PCDHGB5: variants seen among roughly 807,000 people sequenced by gnomAD.
PCDHGB5 encodes the protein protocadherin gamma subfamily B, 5.
A neutral mutation model predicts 62.9 loss-of-function variants in PCDHGB5; 48 were observed. The ratio of observed to expected loss-of-function variants is 0.76; its 90% CI spans 0.61 to 0.97. The LOEUF (loss-of-function observed/expected upper bound fraction) is 0.97, where lower values mean the gene tolerates loss of function less well. Ranked by LOEUF, PCDHGB5 falls within the 50% of genes least tolerant of loss-of-function variation. The pLI is 0.00. For missense variants in PCDHGB5, 1,118 were observed against 1,198.6 expected, an observed-to-expected ratio of 0.93 and a Z score of 0.99; for synonymous variants, 474 against 511.2, an observed-to-expected ratio of 0.93 and a Z score of 0.98.
intron 1 of PCDHGB5, chr5:141,410,564 T>C: frequency 6.2e-7 from 1 of 1,612,612 alleles, no homozygotes; most frequent in Non-Finnish European, 8.5e-7. Context: ...TCCTGGAGCC[T>C]TAATTCCACC....
At chr5:141,421,823 G>A in intron 1 of PCDHGB5, 1 of 1,613,802 alleles carries the variant, frequency 6.2e-7, no homozygotes. Flanking sequence ...GTACTGGAGG[G>A]AAGCCTGGAC....
rs143779180 is a variant in PCDHGB5 at position 141,485,438 on chromosome 5, C to A, written c.2398-9369C>A. The A allele has an allele frequency of 9.9e-6, 16 of 1,614,170 alleles. No individual in the cohort carries two copies. The African/African-American group carries it at 1.3e-4, about 13-fold the overall frequency. Reference sequence around the variant, plus strand: ...CAGCGGAGCCCTGCTCATCAAGAACCCAATCGACCGAGAGGCACTGTGTGG... The same window carrying A: ...CAGCGGAGCCCTGCTCATCAAGAACACAATCGACCGAGAGGCACTGTGTGG... On this transcript the variant is annotated intron_variant, in intron 1 of 3. Coordinates refer to ENST00000617380, the MANE Select transcript of PCDHGB5 (RefSeq NM_018925.3). The surrounding 1 kb of genome is among the most constrained non-coding windows in gnomAD (Gnocchi z 5.7).
At chr5:141,488,217 A>G (rs537136341) in intron 1 of PCDHGB5, among the ~76,000 whole-genome samples, 2 of 152,274 alleles carry the variant, frequency 1.3e-5, no homozygotes, top group East Asian at 1.9e-4. Flanking sequence ...TCAAGTCCCT[A>G]CTGGGGATTT....
chr5:141,445,973 G>A (rs563637331), intron 1 of PCDHGB5, among the ~76,000 whole-genome samples: 28 of 152,326 alleles, frequency 1.8e-4, no homozygotes, highest in African/African-American at 6.0e-4. Flanking sequence ...ATTGATTTAT[G>A]AGGGTTATAA....
chr5:141,460,498 T>C (rs1028506755), intron 1 of PCDHGB5, among the ~76,000 whole-genome samples: 3 of 152,184 alleles, frequency 2.0e-5, no homozygotes, highest in African/African-American at 7.2e-5. Context: ...TGGAAAAATA[T>C]GCTGAGAAGG....
chr5:141,503,377 A>G lies in PCDHGB5; in HGVS notation c.2457-2016A>G, dbSNP rs534841057. Among the ~76,000 whole-genome samples, 4 of 152,142 alleles carry G rather than the reference A, an allele frequency of 2.6e-5. No homozygotes were observed. In the East Asian group the frequency reaches 7.8e-4, roughly 30 times the overall value. The stretch of plus-strand genomic sequence containing the variant: ...TTTGGGAAGCGGAGGCAGGTGGATC[A>G]TGAGGTCAGGAGTTCGAAACCAACC... On this transcript the variant is annotated intron_variant, in intron 2 of 3. Coordinates refer to ENST00000617380, the MANE Select transcript of PCDHGB5 (RefSeq NM_018925.3).
At chr5:141,457,107 A>G (rs2098908740) in intron 1 of PCDHGB5, among the ~76,000 whole-genome samples, 1 of 152,260 alleles carries the variant, frequency 6.6e-6, no homozygotes, top group African/African-American at 2.4e-5. Flanking sequence ...ATTAAGCAAA[A>G]TACGACAGCA....
chr5:141,398,850 A>G lies in PCDHGB5; in HGVS notation c.723A>G (p.Val241=). The change falls in exon 1 of 4, where the codon GTA becomes GTG. Residue 241 remains valine (V), a synonymous_variant. Coordinates refer to ENST00000617380, the MANE Select transcript of PCDHGB5 (RefSeq NM_018925.3). The stretch of plus-strand genomic sequence containing the variant: ...CCGACGCCAATGATAATCCCCCGGT[A>G]TTCAACCGAGACGTGTACAGAGTCA... ...QVTDANDNPP[V]FNRDVYRVSL... is the part of the protein sequence containing the mutation. 20 of 1,613,982 alleles carry G rather than the reference A, an allele frequency of 1.2e-5. No individual in the cohort carries two copies. Among genetic ancestry groups the G allele is most frequent in the Non-Finnish European group, 1.6e-5 (19 of 1,179,888 alleles).
intron 1 of PCDHGB5, among the ~76,000 whole-genome samples, chr5:141,451,134 T>C (rs567790185): frequency 9.9e-5 from 15 of 152,254 alleles, no homozygotes; most frequent in African/African-American, 3.6e-4. Context: ...AGCCTTATGA[T>C]TGTATTTAGA....
At chr5:141,408,513 T>C in intron 1 of PCDHGB5, 2 of 1,614,034 alleles carry the variant, frequency 1.2e-6, no homozygotes, top group East Asian at 4.5e-5. Context: ...AGATGTGAGT[T>C]GCAATTGGAA....
Position 141,489,830 on chromosome 5 carries a change from A to C in PCDHGB5, c.2398-4977A>C. On this transcript the variant is annotated intron_variant, in intron 1 of 3. Transcript: ENST00000617380. The surrounding 1 kb of genome is among the most constrained non-coding windows in gnomAD (Gnocchi z 4.5). ...AAGCCATTCCCAGAGCTGGTGCTAG[A>C]GCAGCAGCTGGATCGTGAAGCCCAG... 1 of 1,614,200 alleles carries C rather than the reference A, an allele frequency of 6.2e-7. No homozygotes were observed. Among genetic ancestry groups the C allele is most frequent in the Non-Finnish European group, 8.5e-7 (1 of 1,180,010 alleles).
chr5:141,446,408 C>A (rs1211716327), intron 1 of PCDHGB5, among the ~76,000 whole-genome samples: 1 of 151,898 alleles, frequency 6.6e-6, no homozygotes, highest in African/African-American at 2.4e-5. Flanking sequence ...GAGTTGAGTT[C>A]CAGCCATGTT....
At chr5:141,433,237 A>G in intron 1 of PCDHGB5, 1 of 1,495,940 alleles carries the variant, frequency 6.7e-7, no homozygotes, top group South Asian at 1.3e-5. Flanking sequence ...TCTGTCTCCC[A>G]AGCTGGAATG....
At chr5:141,422,144 G>T in intron 1 of PCDHGB5, 1 of 1,583,520 alleles carries the variant, frequency 6.3e-7, no homozygotes, top group Non-Finnish European at 8.5e-7. Context: ...CAAGTACGGG[G>T]GTCTCTGGAT....
At position 141,486,493 on chromosome 5, in the gene PCDHGB5, T is replaced by C. The variant is rs761905572; in HGVS notation, c.2398-8314T>C. The C allele has an allele frequency of 1.2e-6, 2 of 1,614,136 alleles. No homozygotes were observed. The highest frequency in any genetic ancestry group is 1.7e-6 in the Non-Finnish European group (2 of 1,179,960). Reference sequence around the variant, plus strand: ...ACCCTCCTCTCAGTACCCACAGAACTATTTTCCTCAATATTTCAGATGTGA... The same window carrying C: ...ACCCTCCTCTCAGTACCCACAGAACCATTTTCCTCAATATTTCAGATGTGA... On this transcript the variant is annotated intron_variant, in intron 1 of 3. Transcript: ENST00000617380. The surrounding 1 kb of genome is among the most constrained non-coding windows in gnomAD (Gnocchi z 5.0).
At position 141,485,336 on chromosome 5, in the gene PCDHGB5, G is replaced by A. The variant is rs755039880; in HGVS notation, c.2398-9471G>A. Reference sequence around the variant, plus strand: ...GAATGTCGCTCAAGATTTCCTGCTGGATACGGACAGTCTGTCAGCTCGCAG... The same window carrying A: ...GAATGTCGCTCAAGATTTCCTGCTGAATACGGACAGTCTGTCAGCTCGCAG... On this transcript the variant is annotated intron_variant, in intron 1 of 3. Transcript: ENST00000617380. The surrounding 1 kb of genome is among the most constrained non-coding windows in gnomAD (Gnocchi z 5.7). 3 of 1,614,176 alleles carry A rather than the reference G, an allele frequency of 1.9e-6. No homozygotes were observed. In the South Asian group the frequency reaches 3.3e-5, roughly 18 times the overall value.
At chr5:141,484,916 CCTG>C (rs34524370) in intron 1 of PCDHGB5, 64,782 of 456,708 alleles carry the variant, frequency 0.14, 4,878 homozygotes, top group African/African-American at 0.18. Context: ...ACGCATTAAC[CCTG>C]CTGCTGTTGG....
rs751567991 is a variant in PCDHGB5 at position 141,398,180 on chromosome 5, T to C, written c.53T>C (p.Phe18Ser). ...LGRAERLPVL[F>S]LFLLSLFCPA... ...CGGGCTGAGAGGCTGCCAGTGCTCT[T>C]TCTCTTCCTGCTGTCTTTGTTCTGC... Residue 18 changes from phenylalanine (F) to serine (S), a missense_variant, in exon 1 of 4, where the codon TTT (phenylalanine) becomes TCT (serine). Phe to Ser is a radical substitution (Grantham distance 155). This residue lies in a region of PCDHGB5 where 84 missense variants were observed against 169.5 expected (regional missense o/e 0.50). Coordinates refer to ENST00000617380, the MANE Select transcript of PCDHGB5 (RefSeq NM_018925.3). 3 of 1,473,764 alleles carry C rather than the reference T, an allele frequency of 2.0e-6. No individual in the cohort carries two copies. The African/African-American group carries it at 4.3e-5, about 21-fold the overall frequency. The allele number at this position is 1,473,764 out of a possible 1,614,324, so 91.3% of individuals were successfully genotyped here. A position where few individuals can be genotyped will look rare whatever the true frequency, so the allele number is the denominator to read the frequency against.
intron 1 of PCDHGB5, chr5:141,417,708 G>C (rs1028054307): frequency 1.2e-4 from 152 of 1,227,878 alleles, no homozygotes; most frequent in East Asian, 4.9e-4. Context: ...CCACACAGAG[G>C]CTCCCGGCTG....
Sources: gnomAD v4.1 joint callset for allele counts (sites outside exome capture counted in the v4.1 genomes callset) on GRCh38, gnomAD v4.1.1 for gene constraint, gnomAD v4.1.1 regional missense constraint, Gnocchi (gnomAD v3.1) non-coding constraint, MANE v1.5 for transcripts, NCBI Gene and HGNC (gene_info 2026-07-23, HGNC 2026-07-21) for gene names.